The following RBM23 variants were observed in gnomAD, a reference collection of about 807,000 sequenced individuals.
RBM23 encodes probable RNA-binding protein 23.
RBM23 carries 53 observed loss-of-function variants against 56.2 expected under a neutral mutation model. That is an observed-to-expected ratio of 0.94 (90% CI 0.76 to 1.19). RBM23 has a LOEUF of 1.19. Among genes scored for constraint, RBM23 ranks in the 50% most tolerant of loss-of-function variants. RBM23 has a pLI of 0.00. For synonymous variants in RBM23, 197 were observed against 198.5 expected, an observed-to-expected ratio of 0.99 and a Z score of 0.06; for missense variants, 642 against 590.3, an observed-to-expected ratio of 1.09 and a Z score of -0.91.
Position 22,911,401 on chromosome 14 carries a change from G to A in RBM23, c.-8C>T. The A allele has an allele frequency of 6.2e-7, 1 of 1,611,104 alleles. No homozygotes were observed. Among genetic ancestry groups the A allele is most frequent in the Non-Finnish European group, 8.5e-7 (1 of 1,177,630 alleles). On this transcript the variant is annotated splice_region_variant and 5_prime_UTR_variant, in exon 2 of 14. Transcript: ENST00000359890. ...AAAGTCATCAGATGCCATCCTGTCA[G>A]ATCTGGGGAGAGGATATTAATATGT...
Position 22,895,390 on chromosome 14 carries a change from A to C in RBM23, c.*6340T>G, listed in dbSNP as rs2040232323. 6.6e-6 allele frequency: 1 copy of C among 152,208 alleles called. No individual in the cohort carries two copies. Among genetic ancestry groups the C allele is most frequent in the Non-Finnish European group, 1.5e-5 (1 of 68,078 alleles). 9.4% of individuals were successfully genotyped at this position (152,208 alleles called of 1,614,324 possible). On this transcript the variant is annotated 3_prime_UTR_variant, in exon 14 of 14. Transcript: ENST00000359890. ...AAAAATAAAAATAAATAAATAAAAA[A>C]AATACTTATTCAGAAAGGAAAATGC...
chr14:22,905,530 C>T, intron 6 of RBM23, 76 bp downstream of exon 6: 1 of 1,586,056 alleles, frequency 6.3e-7, no homozygotes, highest in Non-Finnish European at 8.7e-7. Flanking sequence ...AAGTATTACA[C>T]ATTCCTGTAA....
At position 22,905,648 on chromosome 14, in the gene RBM23, C is replaced by A; in HGVS notation, c.413G>T (p.Gly138Val). 5.6e-6 allele frequency: 9 copies of A among 1,608,152 alleles called. No homozygotes were observed. Among genetic ancestry groups the A allele is most frequent in the African/African-American group, 1.3e-5 (1 of 75,016 alleles). ...SPPLATGYRY[G>V]HSKSPHFREK... ...TCTGAAATGAGGACTCTTACTGTGT[C>A]CATACCTATAACTAAAGAATAGAGA... is the stretch of plus-strand genomic sequence containing the variant. The change falls in exon 6 of 14, where the codon GGA becomes GTA. Residue 138 changes from glycine (G) to valine (V), a missense_variant. Gly to Val is a moderately radical substitution (Grantham distance 109). Transcript: ENST00000359890.
rs965059293 is a variant in RBM23, at chr14:22,896,204, AT to A, written c.*5525del. 6.6e-6 allele frequency: 1 copy of A among 152,194 alleles called. No individual in the cohort carries two copies. The highest frequency in any genetic ancestry group is 1.5e-5 in the Non-Finnish European group (1 of 68,028). 9.4% of individuals were successfully genotyped at this position (152,194 alleles called of 1,614,324 possible). A position where few individuals can be genotyped will look rare whatever the true frequency, so the allele number is the denominator to read the frequency against. On this transcript the variant is annotated 3_prime_UTR_variant, in exon 14 of 14. Transcript: ENST00000359890. ...CCAAGTTCCAAACCTTTCTCAATGA[AT>A]TCTCACAACATCCCTATGAGATAGG...
At chr14:22,904,137 C>T in intron 10 of RBM23, 124 bp downstream of exon 10, 1 of 1,571,270 alleles carries the variant, frequency 6.4e-7, no homozygotes, top group Non-Finnish European at 8.6e-7. Context: ...GTCCAAGCTT[C>T]AGGCACCAGG....
chr14:22,911,432 T>C, intron 1 of RBM23, 29 bp from the exon 2 acceptor site: 1 of 1,559,280 alleles, frequency 6.4e-7, no homozygotes, highest in Non-Finnish European at 8.8e-7. Flanking sequence ...TATGTAAGAA[T>C]CTGTTTTATA....
At position 22,901,690 on chromosome 14, in the gene RBM23, G is replaced by C. The variant is rs375587131; in HGVS notation, c.*40C>G. 1 of 1,605,802 alleles carries C rather than the reference G, an allele frequency of 6.2e-7. No homozygotes were observed. The highest frequency in any genetic ancestry group is 1.3e-5 in the African/African-American group (1 of 74,706). ...TGGAAGAGTAGATGTGAAGTGGCAG[G>C]ATCCAGAGGCACAAGGAGGCAGTAT... is the stretch of plus-strand genomic sequence containing the variant. On this transcript the variant is annotated 3_prime_UTR_variant, in exon 14 of 14. Transcript: ENST00000359890.
rs2040476692 is a variant in RBM23, at chr14:22,901,449, A to C, written c.*281T>G. The C allele has an allele frequency of 5.3e-6, 3 of 567,920 alleles. No individual in the cohort carries two copies. In the East Asian group the frequency reaches 8.7e-5, roughly 16 times the overall value. 35.2% of individuals were successfully genotyped at this position (567,920 alleles called of 1,614,324 possible). A position where few individuals can be genotyped will look rare whatever the true frequency, so the allele number is the denominator to read the frequency against. On this transcript the variant is annotated 3_prime_UTR_variant, in exon 14 of 14. Transcript: ENST00000359890. ...CACTAAGGTGTTGGAAAGGGCAAGA[A>C]GGTAATCTCAGAGACGATACACATG... is the stretch of plus-strand genomic sequence containing the variant.
chr14:22,910,882 T>C (rs1225311584), intron 2 of RBM23, among the ~76,000 whole-genome samples: 3 of 152,122 alleles, frequency 2.0e-5, no homozygotes, highest in Non-Finnish European at 4.4e-5. Context: ...ATGGTGGTGC[T>C]TGCCTATAAT....
Position 22,896,336 on chromosome 14 carries a change from G to A in RBM23, c.*5394C>T, listed in dbSNP as rs937002426. 10 of 152,184 alleles carry A rather than the reference G, an allele frequency of 6.6e-5. No individual in the cohort carries two copies. The highest frequency in any genetic ancestry group is 2.2e-4 in the African/African-American group (9 of 41,436). The allele number at this position is 152,184 out of a possible 1,614,324, so 9.4% of individuals were successfully genotyped here. A position where few individuals can be genotyped will look rare whatever the true frequency, so the allele number is the denominator to read the frequency against. On this transcript the variant is annotated 3_prime_UTR_variant, in exon 14 of 14. Coordinates refer to ENST00000359890, the MANE Select transcript of RBM23 (RefSeq NM_001077351.2). ...AAGAGGGATCTGAACCATGCTGTGTGGTTCCAGAGTGTGACACTCGGCTAC... is the reference window on the plus strand; with the variant it reads ...AAGAGGGATCTGAACCATGCTGTGTAGTTCCAGAGTGTGACACTCGGCTAC...
At chr14:22,907,997 A>G (rs2041858662) in intron 4 of RBM23, among the ~76,000 whole-genome samples, 1 of 152,210 alleles carries the variant, frequency 6.6e-6, no homozygotes, top group South Asian at 2.1e-4. Context: ...TTGTGTTTTA[A>G]GCTAAATGTT....
In RBM23 at chr14:22,894,092, T is replaced by C. The variant is rs2040208684; in HGVS notation, c.*7638A>G. The C allele has an allele frequency of 6.6e-6, 1 of 152,216 alleles. No individual in the cohort carries two copies. Among genetic ancestry groups the C allele is most frequent in the Non-Finnish European group, 1.5e-5 (1 of 68,040 alleles). The allele number at this position is 152,216 out of a possible 1,614,324, so 9.4% of individuals were successfully genotyped here. A position where few individuals can be genotyped will look rare whatever the true frequency, so the allele number is the denominator to read the frequency against. ...GGACTAAATAAAAGAGCAAAGATCT[T>C]TGTAATTTCTCAAGCATTATACAGA... is the stretch of plus-strand genomic sequence containing the variant. On this transcript the variant is annotated 3_prime_UTR_variant, in exon 14 of 14. Transcript: ENST00000359890.
At chr14:22,902,929 C>A (rs911140886) in intron 10 of RBM23, 2 of 639,654 alleles carry the variant, frequency 3.1e-6, no homozygotes, top group Admixed American at 6.3e-5. Context: ...CACCCACCAC[C>A]ATGCCCAGCT....
intron 1 of RBM23, among the ~76,000 whole-genome samples, chr14:22,913,262 A>C (rs1461639467): frequency 2.0e-5 from 3 of 149,702 alleles, no homozygotes; most frequent in East Asian, 4.0e-4. Flanking sequence ...AAAATACAAA[A>C]TATTAGCCGG....
chr14:22,904,712 A>G (rs1322255880), intron 9 of RBM23, among the ~76,000 whole-genome samples, 163 bp downstream of exon 9: 1 of 152,176 alleles, frequency 6.6e-6, no homozygotes, highest in East Asian at 1.9e-4. Context: ...CACCAAGCAC[A>G]TGAACAGAGA....
chr14:22,915,497 T>C (rs1381936255), intron 1 of RBM23, among the ~76,000 whole-genome samples: 4 of 22,876 alleles, frequency 1.7e-4, no homozygotes, highest in African/African-American at 4.2e-4. Context: ...CATGCCTGGC[T>C]TTTTTTTTTT....
intron 4 of RBM23, among the ~76,000 whole-genome samples, chr14:22,907,334 C>T (rs987216289): frequency 6.6e-6 from 1 of 151,888 alleles, no homozygotes. Flanking sequence ...AAAAGCGAAA[C>T]TCGGTCTCAA....
In RBM23 at chr14:22,905,075, T is replaced by C; in HGVS notation, c.726+19A>G. On this transcript the variant is annotated intron_variant, in intron 8 of 13. Transcript: ENST00000359890. ...CCCTCTCCCCTTAAAATCTTATGTC[T>C]GTTTCTCAGCCTGCTCACCTGTGAA... 6.2e-7 allele frequency: 1 copy of C among 1,613,984 alleles called. No homozygotes were observed. Among genetic ancestry groups the C allele is most frequent in the Non-Finnish European group, 8.5e-7 (1 of 1,179,860 alleles).
At chr14:22,909,099 C>T (rs982562135) in intron 3 of RBM23, among the ~76,000 whole-genome samples, 7 of 152,066 alleles carry the variant, frequency 4.6e-5, no homozygotes, top group Non-Finnish European at 1.0e-4. Context: ...CCTGCCACCG[C>T]GCCCAGCTAA....
Sources: gnomAD v4.1 joint callset for allele counts (sites outside exome capture counted in the v4.1 genomes callset) on GRCh38, gnomAD v4.1.1 for gene constraint, MANE v1.5 for transcripts, NCBI Gene and HGNC (gene_info 2026-07-23, HGNC 2026-07-21) for gene names.